CREB5: variants seen among roughly 807,000 people sequenced by gnomAD.
The protein encoded by CREB5 is cAMP responsive element binding protein 5, also known as cyclic AMP-responsive element-binding protein 5.
CREB5 carries 19 observed loss-of-function variants against 57.1 expected under a neutral mutation model. The ratio of observed to expected loss-of-function variants is 0.33; its 90% CI spans 0.23 to 0.49. The LOEUF (loss-of-function observed/expected upper bound fraction) is 0.49, where lower values mean the gene tolerates loss of function less well. CREB5 is among the 20% of genes least tolerant of loss of function. The pLI is 0.99. For synonymous variants in CREB5, 238 were observed against 238.3 expected (o/e 1.00, Z 0.01); for missense variants, 579 against 671.6 (o/e 0.86, Z 1.52).
chr7:28,650,792 T>C (rs1799097486), intron 5 of CREB5, among the ~76,000 whole-genome samples: 1 of 152,204 alleles, frequency 6.6e-6, no homozygotes, highest in Non-Finnish European at 1.5e-5. Context: ...GCTCTTTAGA[T>C]CTCAAATTTA....
At chr7:28,617,575 A>G (rs553380351) in intron 5 of CREB5, among the ~76,000 whole-genome samples, 3 of 152,326 alleles carry the variant, frequency 2.0e-5, no homozygotes, top group African/African-American at 4.8e-5. Flanking sequence ...TAACATCTAC[A>G]GTTCTCACCT....
chr7:28,622,215 A>G (rs1797824085), intron 5 of CREB5, among the ~76,000 whole-genome samples: 1 of 151,488 alleles, frequency 6.6e-6, no homozygotes, highest in Non-Finnish European at 1.5e-5. Flanking sequence ...TCTTTCCGCA[A>G]TGTGAATTCT....
intron 1 of CREB5, among the ~76,000 whole-genome samples, chr7:28,367,519 CAT>C (rs1487708348): frequency 2.0e-5 from 3 of 152,194 alleles, no homozygotes; most frequent in Non-Finnish European, 4.4e-5. Flanking sequence ...ACCTTTAAAA[CAT>C]AGCCTAGGCC....
chr7:28,401,594 G>A (rs1189471850), intron 1 of CREB5, among the ~76,000 whole-genome samples: 2 of 152,018 alleles, frequency 1.3e-5, no homozygotes. Context: ...CCCGGTGTGT[G>A]ATGTTCCCCA....
chr7:28,474,516 T>C (rs904713783), intron 1 of CREB5, among the ~76,000 whole-genome samples: 3 of 152,180 alleles, frequency 2.0e-5, no homozygotes, highest in Non-Finnish European at 4.4e-5. Flanking sequence ...GAGACACTAG[T>C]TAACTGGGGT....
At chr7:28,611,960 C>G (rs1275619810) in intron 5 of CREB5, among the ~76,000 whole-genome samples, 7 of 151,792 alleles carry the variant, frequency 4.6e-5, no homozygotes, top group Non-Finnish European at 8.8e-5. Context: ...GTAAGTAATA[C>G]TTTCTCATGT....
chr7:28,448,104 A>G (rs567703003), intron 1 of CREB5, among the ~76,000 whole-genome samples: 1 of 152,186 alleles, frequency 6.6e-6, no homozygotes, highest in Non-Finnish European at 1.5e-5. Flanking sequence ...CTGCCAGCGA[A>G]TATAAAGCAG....
At chr7:28,628,737 G>GT (rs1798095428) in intron 5 of CREB5, among the ~76,000 whole-genome samples, 1 of 152,070 alleles carries the variant, frequency 6.6e-6, no homozygotes, top group South Asian at 2.1e-4. Context: ...ACATTTATCT[G>GT]GCTTTTCTAG....
intron 9 of CREB5, among the ~76,000 whole-genome samples, chr7:28,816,082 C>T (rs1215713080): frequency 6.6e-6 from 1 of 151,672 alleles, no homozygotes; most frequent in Non-Finnish European, 1.5e-5. Context: ...CACACACACA[C>T]ACATAAACAC....
chr7:28,552,977 T>C (rs1236492445), intron 4 of CREB5, among the ~76,000 whole-genome samples: 2 of 152,230 alleles, frequency 1.3e-5, no homozygotes, highest in Non-Finnish European at 2.9e-5. Context: ...TAGCCATTCA[T>C]ATGTCTCTGA....
At chr7:28,462,896 T>C (rs1173253481) in intron 1 of CREB5, among the ~76,000 whole-genome samples, 1 of 152,136 alleles carries the variant, frequency 6.6e-6, no homozygotes. Flanking sequence ...ATGGTGTCCT[T>C]TGAAGCACAC....
chr7:28,591,954 A>T (rs1213896238), intron 5 of CREB5, among the ~76,000 whole-genome samples: 1 of 152,160 alleles, frequency 6.6e-6, no homozygotes, highest in East Asian at 1.9e-4. Flanking sequence ...TTGAATTTGG[A>T]TAGTCATAAA....
At chr7:28,661,619 T>G (rs548157564) in intron 5 of CREB5, among the ~76,000 whole-genome samples, 1 of 152,212 alleles carries the variant, frequency 6.6e-6, no homozygotes, top group Non-Finnish European at 1.5e-5. Flanking sequence ...TATAACTCCC[T>G]ATCTTTATTG....
At chr7:28,648,315 A>T (rs919122513) in intron 5 of CREB5, among the ~76,000 whole-genome samples, 1 of 152,194 alleles carries the variant, frequency 6.6e-6, no homozygotes, top group African/African-American at 2.4e-5. Flanking sequence ...ATATAAAGAC[A>T]ATGGGATTTA....
In CREB5 at chr7:28,412,752, G is replaced by T. The variant is rs1330879857; in HGVS notation, c.-163G>T. 3 of 503,952 alleles carry T rather than the reference G, an allele frequency of 6.0e-6. No homozygotes were observed. The highest frequency in any genetic ancestry group is 9.8e-6 in the Non-Finnish European group (3 of 307,242). 31.2% of individuals were successfully genotyped at this position (503,952 alleles called of 1,614,324 possible). A position where few individuals can be genotyped will look rare whatever the true frequency, so the allele number is the denominator to read the frequency against. On this transcript the variant is annotated 5_prime_UTR_variant, in exon 1 of 11. Transcript: ENST00000357727. The stretch of plus-strand genomic sequence containing the variant: ...ACCAGACCTGTTCTTTTTACTAAAA[G>T]CTAGTTTCACTATCTTCTGGTCTGA...
chr7:28,637,522 A>C (rs1483091367), intron 5 of CREB5, among the ~76,000 whole-genome samples: 1 of 152,238 alleles, frequency 6.6e-6, no homozygotes, highest in East Asian at 1.9e-4. Flanking sequence ...GAGTTTGAAT[A>C]GAGGGGCAGA....
At chr7:28,481,801 C>T (rs897764761) in intron 1 of CREB5, among the ~76,000 whole-genome samples, 1 of 152,010 alleles carries the variant, frequency 6.6e-6, no homozygotes, top group African/African-American at 2.4e-5. Context: ...AGGAGACAAA[C>T]ACACAAAGAG....
chr7:28,458,744 A>T (rs1230262301), intron 1 of CREB5, among the ~76,000 whole-genome samples: 1 of 152,228 alleles, frequency 6.6e-6, no homozygotes, highest in Non-Finnish European at 1.5e-5. Context: ...CAGCAGTAAA[A>T]TATGGATGTG....
Position 28,379,372 on chromosome 7 carries a change from C to G in CREB5, c.-25+79931C>G, listed in dbSNP as rs113766030. ...AATTTGTTTATCACAATATGTTCTG[C>G]TGACCCTCAGTGTTTTAAGGTTCTG... On this transcript the variant is annotated intron_variant, in intron 1 of 9. Transcript: ENST00000396299. Among the ~76,000 whole-genome samples, 108 of 152,328 alleles carry G rather than the reference C, an allele frequency of 7.1e-4. 1 individual carries two copies. The highest frequency in any genetic ancestry group is 2.5e-3 in the African/African-American group (105 of 41,584).
Sources: gnomAD v4.1 joint callset for allele counts (sites outside exome capture counted in the v4.1 genomes callset) on GRCh38, gnomAD v4.1.1 for gene constraint, MANE v1.5 for transcripts, NCBI Gene and HGNC (gene_info 2026-07-23, HGNC 2026-07-21) for gene names.